Variants in CFHR3 observed in about 807,000 individuals in gnomAD.
The protein encoded by CFHR3 is complement factor H related 3, also known as complement factor H-related protein 3.
A neutral mutation model predicts 36.0 loss-of-function variants in CFHR3; 22 were observed. The observed-to-expected ratio is 0.61, with a 90% confidence interval of 0.44 to 0.87. The LOEUF is 0.87. Among genes scored for constraint, CFHR3 ranks in the 40% least tolerant of loss-of-function variants. The probability of loss-of-function intolerance (pLI) is 0.00; values close to 1 mark genes in which losing one functional copy is unlikely to be tolerated. For missense variants in CFHR3, 276 were observed against 401.3 expected (o/e 0.69, Z 2.67); for synonymous variants, 97 against 137.4 (o/e 0.71, Z 2.06).
At position 196,785,882 on chromosome 1, in the gene CFHR3, C is replaced by T. The variant is rs1371250240; in HGVS notation, c.431-2334C>T. The stretch of plus-strand genomic sequence containing the variant: ...CCTTTGGAGGAGGAGAGGTGCTCTG[C>T]TTTTAGAGTTTCCAGTTTTTCTGCT... On this transcript the variant is annotated intron_variant, in intron 3 of 5. Coordinates refer to ENST00000367425, the MANE Select transcript of CFHR3 (RefSeq NM_021023.6). Among the ~76,000 whole-genome samples, 2 of 136,442 alleles carry T rather than the reference C, an allele frequency of 1.5e-5. 1 individual carries two copies. Among genetic ancestry groups the T allele is most frequent in the African/African-American group, 6.2e-5 (2 of 32,496 alleles). 89.5% of individuals were successfully genotyped at this position (136,442 alleles called of 152,430 possible). A position where few individuals can be genotyped will look rare whatever the true frequency, so the allele number is the denominator to read the frequency against.
Position 196,791,490 on chromosome 1 carries a change from A to G in CFHR3, c.796+1263A>G, listed in dbSNP as rs547056269. Among the ~76,000 whole-genome samples, 228 of 117,618 alleles carry G rather than the reference A, an allele frequency of 1.9e-3. 32 individuals are homozygous for G. The highest frequency in any genetic ancestry group is 1.8e-3 in the Non-Finnish European group (105 of 59,196). 77.2% of individuals were successfully genotyped at this position (117,618 alleles called of 152,430 possible). ...AAGTTCATGAGTTTTTCAAGTGCTC[A>G]AGTTCCTAAGTACAGGATGATACAA... On this transcript the variant is annotated intron_variant, in intron 5 of 5. Coordinates refer to ENST00000367425, the MANE Select transcript of CFHR3 (RefSeq NM_021023.6).
Position 196,791,652 on chromosome 1 carries a change from A to G in CFHR3, c.796+1425A>G, listed in dbSNP as rs148057509. 2.6e-4 allele frequency among the ~76,000 whole-genome samples: 35 copies of G among 132,390 alleles called. 3 individuals carry two copies. In the East Asian group the frequency reaches 4.9e-3, roughly 19 times the overall value. The allele number at this position is 132,390 out of a possible 152,430, so 86.9% of individuals were successfully genotyped here. ...AACCTTAATTATTGTCCCCTACTTA[A>G]GTATCCACTTCTGTAGATGATCATG... is the stretch of plus-strand genomic sequence containing the variant. On this transcript the variant is annotated intron_variant, in intron 5 of 5. Coordinates refer to ENST00000367425, the MANE Select transcript of CFHR3 (RefSeq NM_021023.6).
rs541949808 is a variant in CFHR3, at chr1:196,779,228, A to G, written c.125A>G (p.Tyr42Cys). 82 of 1,529,228 alleles carry G rather than the reference A, an allele frequency of 5.4e-5. 21 individuals are homozygous for G. The South Asian group carries it at 9.3e-4, about 17-fold the overall frequency. The allele number at this position is 1,529,228 out of a possible 1,614,324, so 94.7% of individuals were successfully genotyped here. The change falls in exon 2 of 6, where the codon TAC becomes TGC. Residue 42 changes from tyrosine to cysteine, a missense_variant. By Grantham distance (194) the Tyr-to-Cys change is radical. Around this residue, in one of 3 missense-constraint regions of CFHR3, gnomAD observed 178 missense variants for 247.2 expected, o/e 0.72. Coordinates refer to ENST00000367425, the MANE Select transcript of CFHR3 (RefSeq NM_021023.6). ...GLFHENMRRPYFPVAVGKYYS... is the reference protein window; with the variant it reads ...GLFHENMRRPCFPVAVGKYYS... ...TTTCATGAGAATATGCGTAGACCATACTTTCCAGTAGCTGTAGGAAAATAT... is the reference window on the plus strand; with the variant it reads ...TTTCATGAGAATATGCGTAGACCATGCTTTCCAGTAGCTGTAGGAAAATAT...
intron 5 of CFHR3, among the ~76,000 whole-genome samples, chr1:196,790,479 C>T (rs1402788915): frequency 7.4e-6 from 1 of 134,854 alleles, no homozygotes; most frequent in Non-Finnish European, 1.6e-5. Context: ...GTAGTCCCAG[C>T]ACTTTGGAAG....
At chr1:196,777,718 G>A (rs1264276549) in intron 1 of CFHR3, among the ~76,000 whole-genome samples, 2 of 135,588 alleles carry the variant, frequency 1.5e-5, no homozygotes, top group Admixed American at 7.2e-5. Context: ...TCGAGCCGGG[G>A]GGCTCCTGCC....
At chr1:196,788,698 A>G (rs1370837317) in intron 4 of CFHR3, 1 of 1,455,530 alleles carries the variant, frequency 6.9e-7, no homozygotes, top group Non-Finnish European at 9.1e-7. Flanking sequence ...TTAGTTGCCA[A>G]TAAAAACTTT....
Position 196,783,411 on chromosome 1 carries a change from C to T in CFHR3, c.430+3438C>T, listed in dbSNP as rs1365689225. 6.1e-5 allele frequency among the ~76,000 whole-genome samples: 8 copies of T among 131,810 alleles called. 2 individuals are homozygous for T. Among genetic ancestry groups the T allele is most frequent in the Non-Finnish European group, 4.7e-5 (3 of 63,308 alleles). 86.5% of individuals were successfully genotyped at this position (131,810 alleles called of 152,430 possible). ...TGCTCCTTGTACCTCTGGTAGAATT[C>T]GGCTGTGAATCCATCTGGTCCTGGA... On this transcript the variant is annotated intron_variant, in intron 3 of 5. Coordinates refer to ENST00000367425, the MANE Select transcript of CFHR3 (RefSeq NM_021023.6).
chr1:196,778,900 A>C lies in CFHR3; in HGVS notation c.59-262A>C, dbSNP rs575273783. ...CATTAGTAGAAGTAGAGAAAGTAGA[A>C]TGAGGTTCTTCTTGTCCTGTTAGCT... On this transcript the variant is annotated intron_variant, in intron 1 of 5. Transcript: ENST00000367425. Among the ~76,000 whole-genome samples, 4 of 136,958 alleles carry C rather than the reference A, an allele frequency of 2.9e-5. No homozygotes were observed. The South Asian group carries it at 7.6e-4, about 26-fold the overall frequency. The allele number at this position is 136,958 out of a possible 152,430, so 89.8% of individuals were successfully genotyped here.
In CFHR3 at chr1:196,780,306, G is replaced by A. The variant is rs539575805; in HGVS notation, c.430+333G>A. Among the ~76,000 whole-genome samples the A allele has an allele frequency of 7.4e-4, 102 of 137,190 alleles. 23 individuals carry two copies. Among genetic ancestry groups the A allele is most frequent in the African/African-American group, 2.2e-3 (71 of 32,940 alleles). 90.0% of individuals were successfully genotyped at this position (137,190 alleles called of 152,430 possible). A position where few individuals can be genotyped will look rare whatever the true frequency, so the allele number is the denominator to read the frequency against. On this transcript the variant is annotated intron_variant, in intron 3 of 5. Coordinates refer to ENST00000367425, the MANE Select transcript of CFHR3 (RefSeq NM_021023.6). Reference sequence around the variant, plus strand: ...CGTCATCTTGCACCAAGAAGATTAAGTACAAATGGGTATTCTGGGATCTTG... The same window carrying A: ...CGTCATCTTGCACCAAGAAGATTAAATACAAATGGGTATTCTGGGATCTTG...
chr1:196,785,694 T>C (rs565114317), intron 3 of CFHR3, among the ~76,000 whole-genome samples: 1 of 137,268 alleles, frequency 7.3e-6, no homozygotes, highest in Admixed American at 7.0e-5. Context: ...TTATTCTACT[T>C]ATACATTTGT....
At chr1:196,789,676 T>C (rs1654346736) in intron 4 of CFHR3, 1 of 1,467,050 alleles carries the variant, frequency 6.8e-7, no homozygotes, top group Non-Finnish European at 9.1e-7. Flanking sequence ...AATGCTACGA[T>C]GGATATGAAA....
rs540610304 is a variant in CFHR3 at position 196,787,132 on chromosome 1, C to T, written c.431-1084C>T. On this transcript the variant is annotated intron_variant, in intron 3 of 5. Coordinates refer to ENST00000367425, the MANE Select transcript of CFHR3 (RefSeq NM_021023.6). ...CATAATAATTATGGAATAATTGAGA[C>T]GAAAGATAATGGGAATCTTCCTACA... is the stretch of plus-strand genomic sequence containing the variant. Among the ~76,000 whole-genome samples, 10 of 136,908 alleles carry T rather than the reference C, an allele frequency of 7.3e-5. 1 individual carries two copies. The highest frequency in any genetic ancestry group is 2.1e-4 in the African/African-American group (7 of 32,790). The allele number at this position is 136,908 out of a possible 152,430, so 89.8% of individuals were successfully genotyped here.
rs116111957 is a variant in CFHR3, at chr1:196,777,715, G to A, written c.59-1447G>A. Among the ~76,000 whole-genome samples, 1,040 of 134,588 alleles carry A rather than the reference G, an allele frequency of 7.7e-3. 276 individuals are homozygous for A. Among genetic ancestry groups the A allele is most frequent in the African/African-American group, 0.03 (938 of 31,324 alleles). 88.3% of individuals were successfully genotyped at this position (134,588 alleles called of 152,430 possible). A position where few individuals can be genotyped will look rare whatever the true frequency, so the allele number is the denominator to read the frequency against. ...AAGAAAAGTAATTTTTGGTCGAGCC[G>A]GGGGGCTCCTGCCTTAATCCCAGCA... On this transcript the variant is annotated intron_variant, in intron 1 of 5. Transcript: ENST00000367425.
At chr1:196,779,702 C>G (rs923544845) in intron 2 of CFHR3, 95 bp from the exon 3 acceptor site, 2 of 1,368,338 alleles carry the variant, frequency 1.5e-6, no homozygotes, top group African/African-American at 3.6e-5. Context: ...TTTATGCGAT[C>G]TTATTTAAAT....
intron 3 of CFHR3, among the ~76,000 whole-genome samples, 169 bp from the exon 4 acceptor site, chr1:196,788,047 G>A (rs1375948098): frequency 2.2e-5 from 3 of 136,670 alleles, no homozygotes; most frequent in South Asian, 5.0e-4. Context: ...TCAGAAATTC[G>A]TGGTTTCCTT....
Position 196,779,874 on chromosome 1 carries a change from G to A in CFHR3, c.331G>A (p.Glu111Lys), listed in dbSNP as rs1653875404. Reference protein sequence around the residue: ...GRKFVQGNSTEVACHPGYGLP... With the variant: ...GRKFVQGNSTKVACHPGYGLP... ...AAAGTTTGTACAGGGTAACTCTACA[G>A]AAGTTGCCTGCCATCCTGGCTACGG... The change falls in exon 3 of 6, where the codon GAA becomes AAA. Residue 111 changes from glutamate to lysine, a missense_variant. Transcript: ENST00000367425. 3 of 1,533,224 alleles carry A rather than the reference G, an allele frequency of 2.0e-6. 1 individual carries two copies. The highest frequency in any genetic ancestry group is 2.6e-6 in the Non-Finnish European group (3 of 1,133,430). 95.0% of individuals were successfully genotyped at this position (1,533,224 alleles called of 1,614,324 possible).
intron 3 of CFHR3, among the ~76,000 whole-genome samples, chr1:196,782,654 G>A (rs577934612): frequency 1.5e-5 from 2 of 137,198 alleles, no homozygotes; most frequent in South Asian, 2.5e-4. Flanking sequence ...CATTGATTTT[G>A]TATCCTGAGA....
rs555234782 is a variant in CFHR3, at chr1:196,789,581, G to A, written c.614-464G>A. ...TATACACCCTTACTGTTAGTAAATC[G>A]TTACATAACTACATAAATGGTTACA... On this transcript the variant is annotated intron_variant, in intron 4 of 5. Coordinates refer to ENST00000367425, the MANE Select transcript of CFHR3 (RefSeq NM_021023.6). 6.9e-4 allele frequency: 839 copies of A among 1,222,384 alleles called. 184 individuals are homozygous for A. The African/African-American group carries it at 0.013, about 19-fold the overall frequency. The allele number at this position is 1,222,384 out of a possible 1,614,324, so 75.7% of individuals were successfully genotyped here.
At chr1:196,783,327 T>G (rs1290009161) in intron 3 of CFHR3, among the ~76,000 whole-genome samples, 2 of 135,568 alleles carry the variant, frequency 1.5e-5, no homozygotes, top group East Asian at 2.0e-4. Context: ...TAAAATGAGT[T>G]AGGGAGGATT....
Sources: gnomAD v4.1 joint callset for allele counts (sites outside exome capture counted in the v4.1 genomes callset) on GRCh38, gnomAD v4.1.1 for gene constraint, gnomAD v4.1.1 regional missense constraint, MANE v1.5 for transcripts, NCBI Gene and HGNC (gene_info 2026-07-23, HGNC 2026-07-21) for gene names.